C7orf78: variants seen among roughly 807,000 people sequenced by gnomAD.
The protein encoded by C7orf78 is putative uncharacterized protein C7orf78.
chr7:12,515,448 A>G, the C7orf78 span, among the ~76,000 whole-genome samples: 1 of 152,176 alleles, frequency 6.6e-6, no homozygotes, highest in Non-Finnish European at 1.5e-5. Context: ...AGTCTCAGAT[A>G]TGTCTTTATC....
chr7:12,510,783 G>A, the C7orf78 span, among the ~76,000 whole-genome samples: 14 of 152,102 alleles, frequency 9.2e-5, no homozygotes, highest in African/African-American at 3.1e-4. Flanking sequence ...CCTTGTATAT[G>A]TTGGATATTA....
At chr7:12,487,658 G>T in the C7orf78 span, among the ~76,000 whole-genome samples, 1 of 152,014 alleles carries the variant, frequency 6.6e-6, no homozygotes, top group South Asian at 2.1e-4. Flanking sequence ...GACCAATAAA[G>T]GATTGAGTCT....
At chr7:12,537,010 C>T in the C7orf78 span, among the ~76,000 whole-genome samples, 2 of 152,304 alleles carry the variant, frequency 1.3e-5, no homozygotes, top group Middle Eastern at 3.4e-3. Flanking sequence ...TTCTTCTGAG[C>T]CCTCCAAACT....
the C7orf78 span, among the ~76,000 whole-genome samples, chr7:12,511,801 G>T: frequency 1.8e-4 from 28 of 151,908 alleles, no homozygotes; most frequent in South Asian, 1.0e-3. Flanking sequence ...GCCCAGGCTG[G>T]AGTGCAGTGG....
chr7:12,536,188 C>A, the C7orf78 span, among the ~76,000 whole-genome samples: 1 of 152,176 alleles, frequency 6.6e-6, no homozygotes, highest in Non-Finnish European at 1.5e-5. Context: ...CCCATCCCTA[C>A]AGCAAACTTC....
the C7orf78 span, chr7:12,491,626 T>C: frequency 6.6e-6 from 1 of 152,058 alleles, no homozygotes; most frequent in Non-Finnish European, 1.5e-5. Flanking sequence ...TAAAGAAAAT[T>C]AGTGAAGTGC....
At chr7:12,505,187 A>G in the C7orf78 span, among the ~76,000 whole-genome samples, 1 of 152,076 alleles carries the variant, frequency 6.6e-6, no homozygotes, top group Non-Finnish European at 1.5e-5. Context: ...TGGGTTTTAC[A>G]TACAGTTTTC....
At chr7:12,522,111 A>G in the C7orf78 span, among the ~76,000 whole-genome samples, 1 of 152,106 alleles carries the variant, frequency 6.6e-6, no homozygotes, top group Non-Finnish European at 1.5e-5. Flanking sequence ...GAAAATTAAC[A>G]TTTAGAATTT....
chr7:12,511,907 A>G, the C7orf78 span, among the ~76,000 whole-genome samples: 825 of 119,408 alleles, frequency 6.9e-3, 5 homozygotes, highest in Non-Finnish European at 0.011. Flanking sequence ...GCCCACCACC[A>G]CACCTGGCTA....
chr7:12,538,057 A>AT, the C7orf78 span, among the ~76,000 whole-genome samples: 1 of 152,116 alleles, frequency 6.6e-6, no homozygotes, highest in Non-Finnish European at 1.5e-5. Context: ...GAAATGTAGT[A>AT]TTTTCTGACC....
chr7:12,502,779 C>G, the C7orf78 span, among the ~76,000 whole-genome samples: 1 of 140,992 alleles, frequency 7.1e-6, no homozygotes, highest in Non-Finnish European at 1.5e-5. Context: ...AAGACACATG[C>G]ACACGTATGT....
At chr7:12,497,542 T>G in the C7orf78 span, among the ~76,000 whole-genome samples, 1 of 152,120 alleles carries the variant, frequency 6.6e-6, no homozygotes, top group South Asian at 2.1e-4. Flanking sequence ...TAAAAAACGG[T>G]GCACCATGAG....
the C7orf78 span, chr7:12,523,513 CTA>C: frequency 2.5e-6 from 1 of 396,104 alleles, no homozygotes; most frequent in Non-Finnish European, 4.4e-6. Context: ...ATGAGAAAAA[CTA>C]TTACATATAG....
At chr7:12,507,029 C>G in the C7orf78 span, 7 of 431,886 alleles carry the variant, frequency 1.6e-5, 1 homozygote, top group East Asian at 4.4e-4. Flanking sequence ...AAGGGCCGGG[C>G]GCGGTGTCAC....
the C7orf78 span, among the ~76,000 whole-genome samples, chr7:12,516,219 C>G: frequency 6.6e-6 from 1 of 152,204 alleles, no homozygotes; most frequent in Non-Finnish European, 1.5e-5. Flanking sequence ...TGCTCCAGCC[C>G]TGGCTGTAAG....
At chr7:12,513,232 C>A in the C7orf78 span, among the ~76,000 whole-genome samples, 4 of 146,976 alleles carry the variant, frequency 2.7e-5, no homozygotes, top group Non-Finnish European at 6.0e-5. Context: ...TTCTCTCTTT[C>A]TTTCCTTCTT....
the C7orf78 span, chr7:12,540,837 G>A: frequency 6.6e-6 from 1 of 152,170 alleles, no homozygotes; most frequent in Admixed American, 6.5e-5. Flanking sequence ...CTTGTCCCAG[G>A]AGTGACCTTT....
the C7orf78 span, among the ~76,000 whole-genome samples, chr7:12,497,543 G>A: frequency 7.9e-5 from 12 of 152,314 alleles, no homozygotes; most frequent in African/African-American, 2.2e-4. Context: ...AAAAAACGGT[G>A]CACCATGAGA....
chr7:12,540,624 G>C, the C7orf78 span, among the ~76,000 whole-genome samples: 1 of 152,192 alleles, frequency 6.6e-6, no homozygotes, highest in Admixed American at 6.5e-5. Flanking sequence ...GTTGCCCTCA[G>C]TTGCATGTGC....
Sources: gnomAD v4.1 joint callset for allele counts (sites outside exome capture counted in the v4.1 genomes callset) on GRCh38, gnomAD v4.1.1 for gene constraint, MANE v1.5 for transcripts, NCBI Gene and HGNC (gene_info 2026-07-23, HGNC 2026-07-21) for gene names.